Variants in MERTK observed in about 807,000 individuals in gnomAD.
MERTK encodes MER proto-oncogene, tyrosine kinase.
In MERTK, 69 loss-of-function variants were observed where a neutral mutation model predicts 99.3. That is an observed-to-expected ratio of 0.70 (90% CI 0.57 to 0.85). MERTK has a LOEUF of 0.85. Among genes scored for constraint, MERTK ranks in the 40% least tolerant of loss-of-function variants. The probability of loss-of-function intolerance (pLI) is 0.00; values close to 1 mark genes in which losing one functional copy is unlikely to be tolerated. For synonymous variants in MERTK, 426 were observed against 467.6 expected (o/e 0.91, Z 1.15); for missense variants, 1,125 against 1,249.4 (o/e 0.90, Z 1.50).
rs1023536561 is a variant in MERTK, at chr2:111,936,884, A to T, written c.482+7344A>T. ...ATTATAATTAGCTCTGATGTCTAGT[A>T]TAGCAAGTAAACAGCCCTCTAGCTT... On this transcript the variant is annotated intron_variant, in intron 2 of 18. Transcript: ENST00000295408. Among the ~76,000 whole-genome samples the T allele has an allele frequency of 5.9e-5, 9 of 152,168 alleles. No individual in the cohort carries two copies. The East Asian group carries it at 1.5e-3, about 26-fold the overall frequency.
intron 10 of MERTK, among the ~76,000 whole-genome samples, chr2:111,998,682 G>A (rs188492336): frequency 1.3e-3 from 198 of 152,326 alleles, no homozygotes; most frequent in African/African-American, 4.7e-3. Flanking sequence ...TTCATTAGAT[G>A]AGAGAGAAGA....
At chr2:111,954,721 A>T (rs1418024980) in intron 4 of MERTK, among the ~76,000 whole-genome samples, 3 of 152,216 alleles carry the variant, frequency 2.0e-5, no homozygotes, top group East Asian at 3.9e-4. Flanking sequence ...ATAGAACAGG[A>T]TCTTTAATGT....
intron 6 of MERTK, among the ~76,000 whole-genome samples, chr2:111,972,685 G>C (rs1676148683): frequency 6.6e-6 from 1 of 152,054 alleles, no homozygotes; most frequent in African/African-American, 2.4e-5. Flanking sequence ...TCCATCTCTG[G>C]TAGGCTTTCC....
intron 2 of MERTK, among the ~76,000 whole-genome samples, chr2:111,939,889 G>A (rs1684830831): frequency 6.6e-6 from 1 of 151,890 alleles, no homozygotes; most frequent in Non-Finnish European, 1.5e-5. Flanking sequence ...CTAAAGGAAT[G>A]TATGCATCTC....
At chr2:112,001,586 A>G (rs1424753726) in intron 11 of MERTK, among the ~76,000 whole-genome samples, 2 of 152,276 alleles carry the variant, frequency 1.3e-5, no homozygotes, top group Middle Eastern at 3.4e-3. Context: ...CCAGGGATTT[A>G]AAGAAAACTT....
intron 1 of MERTK, among the ~76,000 whole-genome samples, chr2:111,901,557 TTC>T (rs1487444986): frequency 3.7e-5 from 5 of 135,678 alleles, no homozygotes; most frequent in African/African-American, 1.4e-4. Context: ...TTTTCTTTCT[TTC>T]TTTTTTTTTT....
Position 111,975,414 on chromosome 2 carries a change from G to T in MERTK, c.1086G>T (p.Met362Ile). The T allele has an allele frequency of 6.2e-7, 1 of 1,614,176 alleles. No homozygotes were observed. The highest frequency in any genetic ancestry group is 8.5e-7 in the Non-Finnish European group (1 of 1,180,032). ...LANYSIGVSCMNEIGWSAVSP... is the reference protein window; with the variant it reads ...LANYSIGVSCINEIGWSAVSP... ...ATTACAGCATTGGTGTTTCCTGCAT[G>T]AATGAAATAGGCTGGTCTGCAGTGA... is the stretch of plus-strand genomic sequence containing the variant. Residue 362 changes from methionine to isoleucine, a missense_variant, in exon 7 of 19, where the codon ATG becomes ATT. Met to Ile is a conservative substitution (Grantham distance 10). Transcript: ENST00000295408.
chr2:111,994,468 G>A, intron 9 of MERTK, 64 bp downstream of exon 9: 1 of 1,595,708 alleles, frequency 6.3e-7, no homozygotes, highest in East Asian at 2.2e-5. Context: ...CAGATTGCCA[G>A]AAAGTAACCT....
chr2:111,934,874 A>G (rs1165201169), intron 2 of MERTK, among the ~76,000 whole-genome samples: 1 of 152,136 alleles, frequency 6.6e-6, no homozygotes, highest in African/African-American at 2.4e-5. Context: ...GGGGAAGAGA[A>G]GGGAAAGCAT....
At chr2:111,911,973 G>C (rs1473577384) in intron 1 of MERTK, among the ~76,000 whole-genome samples, 1 of 151,390 alleles carries the variant, frequency 6.6e-6, no homozygotes, top group Non-Finnish European at 1.5e-5. Context: ...ACAGACATGA[G>C]CCACTGTGCC....
intron 4 of MERTK, among the ~76,000 whole-genome samples, chr2:111,949,145 T>C (rs921089680): frequency 2.6e-5 from 4 of 152,036 alleles, no homozygotes; most frequent in Non-Finnish European, 5.9e-5. Flanking sequence ...CCCTGATCAC[T>C]CTTAACTGTT....
At chr2:112,023,345 C>T (rs892274123) in intron 18 of MERTK, among the ~76,000 whole-genome samples, 4 of 151,966 alleles carry the variant, frequency 2.6e-5, no homozygotes, top group African/African-American at 7.2e-5. Flanking sequence ...ACCCGGGAGG[C>T]GGAGCTTGCG....
intron 8 of MERTK, among the ~76,000 whole-genome samples, chr2:111,989,545 C>T (rs913698723): frequency 4.6e-5 from 7 of 151,980 alleles, no homozygotes; most frequent in Admixed American, 1.3e-4. Context: ...TTAGTAGAGA[C>T]AGGGTTTCAC....
At chr2:111,916,906 C>G (rs888974555) in intron 1 of MERTK, among the ~76,000 whole-genome samples, 7 of 152,156 alleles carry the variant, frequency 4.6e-5, no homozygotes, top group African/African-American at 1.7e-4. Context: ...CACTCAGCCT[C>G]CATTGACATC....
rs1553444767 is a variant in MERTK, at chr2:111,910,627, T to TAC, written c.61+11833_61+11834dup. Reference sequence around the variant, plus strand: ...GTGTGTGTGTATATATATATATATATACAAATGGAATACTATTAAATATTT... The same window carrying TAC: ...GTGTGTGTGTATATATATATATATATACACAAATGGAATACTATTAAATATTT... On this transcript the variant is annotated intron_variant, in intron 1 of 18. Transcript: ENST00000295408. 4.9e-3 allele frequency among the ~76,000 whole-genome samples: 738 copies of TAC among 151,094 alleles called. 7 individuals are homozygous for TAC. Among genetic ancestry groups the TAC allele is most frequent in the African/African-American group, 0.015 (612 of 41,138 alleles).
At chr2:111,984,236 A>T (rs1354747180) in intron 8 of MERTK, among the ~76,000 whole-genome samples, 1 of 152,112 alleles carries the variant, frequency 6.6e-6, no homozygotes, top group East Asian at 1.9e-4. Context: ...CAGGCCCTCC[A>T]TGGATTGAAT....
At chr2:111,977,156 CCTT>C (rs1462752424) in intron 7 of MERTK, among the ~76,000 whole-genome samples, 1 of 152,158 alleles carries the variant, frequency 6.6e-6, no homozygotes, top group Admixed American at 6.5e-5. Context: ...ACATCATTCT[CCTT>C]CTTCCTGAAG....
At chr2:111,974,627 T>G (rs1182148964) in intron 6 of MERTK, among the ~76,000 whole-genome samples, 1 of 150,210 alleles carries the variant, frequency 6.7e-6, no homozygotes, top group Non-Finnish European at 1.5e-5. Flanking sequence ...AAATTAGCTG[T>G]GCGTGGTGGC....
chr2:112,024,752 G>C (rs538156869), intron 18 of MERTK: 1 of 152,436 alleles, frequency 6.6e-6, no homozygotes, highest in African/African-American at 2.4e-5. Context: ...AACACAGTGA[G>C]ACCCCATCTC....
Sources: gnomAD v4.1 joint callset for allele counts (sites outside exome capture counted in the v4.1 genomes callset) on GRCh38, gnomAD v4.1.1 for gene constraint, MANE v1.5 for transcripts, NCBI Gene and HGNC (gene_info 2026-07-23, HGNC 2026-07-21) for gene names.